Variants in DUSP5 observed in about 807,000 individuals in gnomAD.
The protein encoded by DUSP5 is dual specificity phosphatase 5.
In DUSP5, 22 loss-of-function variants were observed where a neutral mutation model predicts 33.6. The ratio of observed to expected loss-of-function variants is 0.66; its 90% CI spans 0.47 to 0.94. The LOEUF is 0.94. Ranked by LOEUF, DUSP5 falls within the 40% of genes least tolerant of loss-of-function variation. DUSP5 has a pLI of 0.00. For synonymous variants in DUSP5, 270 were observed against 231.1 expected, an observed-to-expected ratio of 1.17 and a Z score of -1.53; for missense variants, 551 against 522.1, an observed-to-expected ratio of 1.06 and a Z score of -0.54.
At position 110,497,980 on chromosome 10, in the gene DUSP5, C is replaced by A; in HGVS notation, c.-142C>A. 1 of 647,038 alleles carries A rather than the reference C, an allele frequency of 1.5e-6. No homozygotes were observed. The highest frequency in any genetic ancestry group is 1.9e-6 in the Non-Finnish European group (1 of 521,514). 40.1% of individuals were successfully genotyped at this position (647,038 alleles called of 1,614,324 possible). A position where few individuals can be genotyped will look rare whatever the true frequency, so the allele number is the denominator to read the frequency against. On this transcript the variant is annotated 5_prime_UTR_variant, in exon 1 of 4. Coordinates refer to ENST00000369583, the MANE Select transcript of DUSP5 (RefSeq NM_004419.4). Reference sequence around the variant, plus strand: ...GGGAACGCGGAGTTGCGCCGCCGCTCGGGCGCCGGGCTCCGTCGCGGCCGC... The same window carrying A: ...GGGAACGCGGAGTTGCGCCGCCGCTAGGGCGCCGGGCTCCGTCGCGGCCGC...
intron 1 of DUSP5, among the ~76,000 whole-genome samples, 178 bp downstream of exon 1, chr10:110,498,678 C>T (rs537888337): frequency 6.6e-6 from 1 of 152,200 alleles, no homozygotes; most frequent in Non-Finnish European, 1.5e-5. Flanking sequence ...AGAGCTCCCC[C>T]TCTTCCCCAC....
intron 1 of DUSP5, among the ~76,000 whole-genome samples, chr10:110,499,243 C>T (rs1333587387): frequency 6.6e-6 from 1 of 152,148 alleles, no homozygotes; most frequent in Admixed American, 6.5e-5. Context: ...TGATTTGACA[C>T]CTCCCGGAGC....
chr10:110,506,806 G>A (rs1860124200), intron 2 of DUSP5, 129 bp from the exon 3 acceptor site: 3 of 1,008,476 alleles, frequency 3.0e-6, no homozygotes, highest in South Asian at 1.5e-5. Flanking sequence ...CCCTGGCTCT[G>A]AACTCCACTT....
intron 1 of DUSP5, among the ~76,000 whole-genome samples, chr10:110,498,729 G>A (rs1298543407): frequency 2.6e-5 from 4 of 152,240 alleles, no homozygotes; most frequent in Non-Finnish European, 5.9e-5. Context: ...TCTGCCCGGT[G>A]GTCTGGGTGG....
At chr10:110,502,423 T>C (rs1490342005) in intron 1 of DUSP5, among the ~76,000 whole-genome samples, 2 of 152,228 alleles carry the variant, frequency 1.3e-5, no homozygotes, top group Admixed American at 1.3e-4. Flanking sequence ...AGGGATTTGG[T>C]TAGTATTTGC....
Position 110,510,889 on chromosome 10 carries a change from A to C in DUSP5, c.*463A>C. ...GTCTGTCTCTGTTGCTTCGGGGCATAAGCTGATCACCGTCTAGTTGGGAAA... is the reference window on the plus strand; with the variant it reads ...GTCTGTCTCTGTTGCTTCGGGGCATCAGCTGATCACCGTCTAGTTGGGAAA... On this transcript the variant is annotated 3_prime_UTR_variant, in exon 4 of 4. Transcript: ENST00000369583. The C allele has an allele frequency of 6.3e-6, 1 of 158,032 alleles. No individual in the cohort carries two copies. Among genetic ancestry groups the C allele is most frequent in the Non-Finnish European group, 1.4e-5 (1 of 71,674 alleles). The allele number at this position is 158,032 out of a possible 1,614,324, so 9.8% of individuals were successfully genotyped here.
At chr10:110,509,451 C>G (rs913208294) in intron 3 of DUSP5, among the ~76,000 whole-genome samples, 1 of 152,322 alleles carries the variant, frequency 6.6e-6, no homozygotes, top group Admixed American at 6.5e-5. Flanking sequence ...GCATCCTGCC[C>G]TGGCACAGCC....
At chr10:110,503,916 C>G (rs555359610) in intron 2 of DUSP5, among the ~76,000 whole-genome samples, 1 of 152,354 alleles carries the variant, frequency 6.6e-6, no homozygotes, top group East Asian at 1.9e-4. Context: ...AGCTCCCTGC[C>G]ATGAACAAAA....
At position 110,498,140 on chromosome 10, in the gene DUSP5, G is replaced by T; in HGVS notation, c.19G>T (p.Asp7Tyr). The T allele has an allele frequency of 1.4e-6, 2 of 1,446,222 alleles. No homozygotes were observed. Among genetic ancestry groups the T allele is most frequent in the Non-Finnish European group, 1.8e-6 (2 of 1,093,670 alleles). 89.6% of individuals were successfully genotyped at this position (1,446,222 alleles called of 1,614,324 possible). Residue 7 changes from aspartate (D) to tyrosine (Y), a missense_variant, in exon 1 of 4, where the codon GAC (aspartate) becomes TAC (tyrosine). Coordinates refer to ENST00000369583, the MANE Select transcript of DUSP5 (RefSeq NM_004419.4). MKVTSL[D>Y]GRQLRKMLRK... ...CGGCGGCATGAAGGTCACGTCGCTCGACGGGCGCCAGCTGCGCAAGATGCT... is the reference window on the plus strand; with the variant it reads ...CGGCGGCATGAAGGTCACGTCGCTCTACGGGCGCCAGCTGCGCAAGATGCT...
chr10:110,500,663 C>T (rs562389278), intron 1 of DUSP5, among the ~76,000 whole-genome samples: 3 of 152,324 alleles, frequency 2.0e-5, no homozygotes, highest in African/African-American at 7.2e-5. Context: ...TATCTGTGCT[C>T]TCTCTGTTCC....
At chr10:110,504,067 A>G (rs542459004) in intron 2 of DUSP5, among the ~76,000 whole-genome samples, 12 of 152,228 alleles carry the variant, frequency 7.9e-5, no homozygotes, top group Non-Finnish European at 1.6e-4. Context: ...TCCTTACAGT[A>G]TATGACGAGC....
At chr10:110,509,941 C>T (rs1428069439) in intron 3 of DUSP5, 79 bp from the exon 4 acceptor site, 31 of 1,506,536 alleles carry the variant, frequency 2.1e-5, no homozygotes, top group Non-Finnish European at 2.7e-5. Flanking sequence ...TAGGTTACTC[C>T]AGTGTTTGAT....
rs1046501658 is a variant in DUSP5 at position 110,511,406 on chromosome 10, TGTTA to T, written c.*985_*988del. Reference sequence around the variant, plus strand: ...GTACTACTTTTTTTTTCTTTTTGTCTGTTAGTTATTTCTCCAGGGGAAAAGGCAA... The same window carrying T: ...GTACTACTTTTTTTTTCTTTTTGTCTGTTATTTCTCCAGGGGAAAAGGCAA... On this transcript the variant is annotated 3_prime_UTR_variant, in exon 4 of 4. Coordinates refer to ENST00000369583, the MANE Select transcript of DUSP5 (RefSeq NM_004419.4). 3.9e-5 allele frequency: 6 copies of T among 152,644 alleles called. No individual in the cohort carries two copies. The highest frequency in any genetic ancestry group is 8.8e-5 in the Non-Finnish European group (6 of 68,044). The allele number at this position is 152,644 out of a possible 1,614,324, so 9.5% of individuals were successfully genotyped here.
intron 1 of DUSP5, among the ~76,000 whole-genome samples, chr10:110,500,722 C>T (rs898507065): frequency 6.6e-6 from 1 of 152,198 alleles, no homozygotes; most frequent in African/African-American, 2.4e-5. Flanking sequence ...AAAGAAGTAG[C>T]TCTAAGAATT....
At chr10:110,500,344 G>A (rs1255875497) in intron 1 of DUSP5, among the ~76,000 whole-genome samples, 2 of 152,210 alleles carry the variant, frequency 1.3e-5, no homozygotes, top group African/African-American at 4.8e-5. Flanking sequence ...GTGCTCTTGC[G>A]TGTGCAGTGC....
Position 110,507,166 on chromosome 10 carries a change from C to T in DUSP5, c.748+12C>T, listed in dbSNP as rs370848860. ...AATAGACTTCATTGGTAGGTTTAGC[C>T]ATTCCCCTTCAGTTATTTTGGGAGC... On this transcript the variant is annotated intron_variant, in intron 3 of 3. Coordinates refer to ENST00000369583, the MANE Select transcript of DUSP5 (RefSeq NM_004419.4). 393 of 1,608,474 alleles carry T rather than the reference C, an allele frequency of 2.4e-4. No individual in the cohort carries two copies. Among genetic ancestry groups the T allele is most frequent in the Non-Finnish European group, 3.2e-4 (375 of 1,178,024 alleles).
intron 1 of DUSP5, among the ~76,000 whole-genome samples, chr10:110,501,102 A>G (rs1020758126): frequency 2.0e-5 from 3 of 152,232 alleles, no homozygotes; most frequent in African/African-American, 7.2e-5. Flanking sequence ...CCTGGAACCC[A>G]TAATGTCGAG....
rs1235720770 is a variant in DUSP5, at chr10:110,510,195, C to T, written c.924C>T (p.Gly308=). ...TCTCGCCCAACTTTGGCTTCATGGG[C>T]CAGCTCCTGCAGTACGAATCTGAGA... ...SMVSPNFGFM[G]QLLQYESEIL... The change falls in exon 4 of 4, where the codon GGC becomes GGT. Residue 308 remains glycine, a synonymous_variant. Transcript: ENST00000369583. 4 of 1,614,108 alleles carry T rather than the reference C, an allele frequency of 2.5e-6. No homozygotes were observed. The highest frequency in any genetic ancestry group is 1.3e-5 in the African/African-American group (1 of 74,946).
intron 2 of DUSP5, among the ~76,000 whole-genome samples, chr10:110,505,848 CTCTGGT>C (rs1860110241): frequency 6.6e-6 from 1 of 152,180 alleles, no homozygotes; most frequent in African/African-American, 2.4e-5. Context: ...GGTGGATGGT[CTCTGGT>C]TCCCCCTTGA....
Sources: allele counts gnomAD v4.1 joint callset (sites outside exome capture counted in the v4.1 genomes callset), GRCh38; gene constraint gnomAD v4.1.1; transcripts MANE v1.5; gene names NCBI Gene and HGNC (gene_info 2026-07-23, HGNC 2026-07-21).